Variants in NFYC observed in about 807,000 individuals in gnomAD.
NFYC encodes the protein nuclear transcription factor Y subunit gamma, also known as CAAT box DNA-binding protein subunit C.
In NFYC, 25 loss-of-function variants were observed where a neutral mutation model predicts 53.1. The ratio of observed to expected loss-of-function variants is 0.47; its 90% CI spans 0.34 to 0.66. The LOEUF (loss-of-function observed/expected upper bound fraction) is 0.66, where lower values mean the gene tolerates loss of function less well. Among genes scored for constraint, NFYC ranks in the 30% least tolerant of loss-of-function variants. NFYC has a pLI of 0.01. For missense variants in NFYC, 260 were observed against 422.7 expected (o/e 0.62, Z 3.38); for synonymous variants, 145 against 152.6 (o/e 0.95, Z 0.37).
rs144722936 is a variant in NFYC, at chr1:40,757,488, C to T, written c.388-633C>T. On this transcript the variant is annotated intron_variant, in intron 5 of 9. Coordinates refer to ENST00000447388, the MANE Select transcript of NFYC (RefSeq NM_014223.5). ...GCTGTCCATCAGGCCCCCTGGGTTGCGCTTCTGTGGCTAAGTACAACCAGA... is the reference window on the plus strand; with the variant it reads ...GCTGTCCATCAGGCCCCCTGGGTTGTGCTTCTGTGGCTAAGTACAACCAGA... 2.3e-4 allele frequency: 91 copies of T among 392,740 alleles called. 4 individuals carry two copies. In the East Asian group the frequency reaches 6.4e-3, roughly 28 times the overall value. The allele number at this position is 392,740 out of a possible 1,614,324, so 24.3% of individuals were successfully genotyped here.
chr1:40,749,738 C>T, intron 4 of NFYC, 52 bp downstream of exon 4: 1 of 1,411,556 alleles, frequency 7.1e-7, no homozygotes, highest in Non-Finnish European at 1.0e-6. Context: ...CAGCCTTTGC[C>T]TGTTTTCCTG....
chr1:40,713,874 G>A (rs1644026754), intron 1 of NFYC, among the ~76,000 whole-genome samples: 1 of 152,226 alleles, frequency 6.6e-6, no homozygotes, highest in African/African-American at 2.4e-5. Context: ...GAGAAAATGT[G>A]CCATGGAAGA....
At chr1:40,746,978 A>G (rs1315108020) in intron 2 of NFYC, among the ~76,000 whole-genome samples, 1 of 152,182 alleles carries the variant, frequency 6.6e-6, no homozygotes, top group Non-Finnish European at 1.5e-5. Context: ...TACTGTGATG[A>G]GAAAGGAGCT....
At chr1:40,723,224 T>G (rs1468856048) in intron 1 of NFYC, 1 of 152,198 alleles carries the variant, frequency 6.6e-6, no homozygotes, top group Admixed American at 6.5e-5. Flanking sequence ...AAACACAGGA[T>G]ACTGCCAGAA....
At chr1:40,725,176 A>G (rs1644466724) in intron 1 of NFYC, among the ~76,000 whole-genome samples, 1 of 152,354 alleles carries the variant, frequency 6.6e-6, no homozygotes, top group Middle Eastern at 3.4e-3. Flanking sequence ...GCATGACTAT[A>G]TAAAAACCTT....
Position 40,738,825 on chromosome 1 carries a change from T to C in NFYC, c.-8-11T>C. ...GTTTCTAATGTGTCTTATGTATGTG[T>C]TTATTTTCAGTTGTCGAGATGTCCA... On this transcript the variant is annotated splice_polypyrimidine_tract_variant and intron_variant, in intron 1 of 9. Coordinates refer to ENST00000447388, the MANE Select transcript of NFYC (RefSeq NM_014223.5). The C allele has an allele frequency of 6.2e-7, 1 of 1,601,442 alleles. No individual in the cohort carries two copies. Among genetic ancestry groups the C allele is most frequent in the Non-Finnish European group, 8.6e-7 (1 of 1,168,738 alleles).
chr1:40,754,321 G>C (rs1249302116), intron 5 of NFYC: 1 of 534,440 alleles, frequency 1.9e-6, no homozygotes, highest in East Asian at 5.5e-5. Context: ...CCTTACTAGA[G>C]TAGGGTGTGC....
chr1:40,736,893 G>GA (rs1557827050), intron 1 of NFYC, among the ~76,000 whole-genome samples: 1 of 149,586 alleles, frequency 6.7e-6, no homozygotes, highest in African/African-American at 2.5e-5. Context: ...TTGGGAGGAC[G>GA]AGGCAGGTGG....
intron 1 of NFYC, among the ~76,000 whole-genome samples, chr1:40,726,126 T>TG (rs1553153616): frequency 0.34 from 49,460 of 147,294 alleles, 9,281 homozygotes; most frequent in Non-Finnish European, 0.42. Flanking sequence ...TGTGTGTGTG[T>TG]TTTTTTTTGA....
intron 1 of NFYC, among the ~76,000 whole-genome samples, chr1:40,694,382 G>C (rs571203119): frequency 6.6e-6 from 1 of 152,346 alleles, no homozygotes; most frequent in Non-Finnish European, 1.5e-5. Context: ...GGAGACCAGT[G>C]AGTTGGAAAT....
chr1:40,715,238 TACTAAAAAA>T (rs1407099600), intron 1 of NFYC, among the ~76,000 whole-genome samples: 13 of 151,782 alleles, frequency 8.6e-5, no homozygotes. Flanking sequence ...ACCCAGCCTT[TACTAAAAAA>T]ACACCGAAAT....
At chr1:40,720,878 AT>A (rs1042592835) in intron 1 of NFYC, among the ~76,000 whole-genome samples, 3 of 151,810 alleles carry the variant, frequency 2.0e-5, no homozygotes, top group Admixed American at 6.6e-5. Flanking sequence ...TTTAAAAAAA[AT>A]TTTTTTTTAA....
At chr1:40,716,134 C>T (rs771030160) in intron 1 of NFYC, among the ~76,000 whole-genome samples, 2 of 152,180 alleles carry the variant, frequency 1.3e-5, no homozygotes, top group South Asian at 2.1e-4. Context: ...CAATTCACCA[C>T]GCATGCATGT....
intron 1 of NFYC, 106 bp downstream of exon 1, chr1:40,691,973 C>T: frequency 3.2e-6 from 1 of 309,788 alleles, no homozygotes; most frequent in Non-Finnish European, 6.4e-6. Flanking sequence ...CCTCGCGCGG[C>T]CGCTGCTGTA....
chr1:40,735,442 T>G (rs1301585036), intron 1 of NFYC: 1 of 219,782 alleles, frequency 4.5e-6, no homozygotes, highest in Non-Finnish European at 7.7e-6. Flanking sequence ...GTTTGCGGGC[T>G]GATCATGCCT....
At chr1:40,721,113 A>G (rs1644311618) in intron 1 of NFYC, among the ~76,000 whole-genome samples, 1 of 152,252 alleles carries the variant, frequency 6.6e-6, no homozygotes, top group Non-Finnish European at 1.5e-5. Context: ...TATGCTAATT[A>G]GAGAAATAGA....
intron 2 of NFYC, 94 bp from the exon 3 acceptor site, chr1:40,747,440 A>G: frequency 1.2e-6 from 1 of 806,082 alleles, no homozygotes; most frequent in Non-Finnish European, 2.1e-6. Context: ...TCCTGAAGAG[A>G]GGGACCAAGC....
chr1:40,753,390 CT>C, intron 5 of NFYC, 144 bp downstream of exon 5: 1 of 572,858 alleles, frequency 1.7e-6, no homozygotes, highest in Non-Finnish European at 3.1e-6. Context: ...TTAACATCTC[CT>C]TCTGTTACTC....
intron 1 of NFYC, chr1:40,709,582 A>G (rs2148446449): frequency 6.6e-6 from 1 of 152,294 alleles, no homozygotes; most frequent in African/African-American, 2.4e-5. Flanking sequence ...CGGTGGAGGT[A>G]TAAATAACTA....
Sources: gnomAD v4.1 joint callset for allele counts (sites outside exome capture counted in the v4.1 genomes callset) on GRCh38, gnomAD v4.1.1 for gene constraint, MANE v1.5 for transcripts, NCBI Gene and HGNC (gene_info 2026-07-23, HGNC 2026-07-21) for gene names.